The following TNIP2 variants were observed in gnomAD, a reference collection of about 807,000 sequenced individuals.
The protein encoded by TNIP2 is TNFAIP3-interacting protein 2.
Under a neutral mutation model 43.7 loss-of-function variants are expected in TNIP2, and 30 were observed. The ratio of observed to expected loss-of-function variants is 0.69; its 90% confidence interval spans 0.51 to 0.93. The LOEUF is 0.93. Ranked by LOEUF, TNIP2 falls within the 40% of genes least tolerant of loss-of-function variation. The probability of loss-of-function intolerance (pLI) is 0.00; values close to 1 mark genes in which losing one functional copy is unlikely to be tolerated. For missense variants in TNIP2, 599 were observed against 591.0 expected (o/e 1.01, Z -0.14); for synonymous variants, 260 against 254.6 (o/e 1.02, Z -0.20).
At chr4:2,754,775 G>A (rs1210607717) in intron 1 of TNIP2, among the ~76,000 whole-genome samples, 1 of 152,176 alleles carries the variant, frequency 6.6e-6, no homozygotes. Flanking sequence ...ACCCAGGTTG[G>A]AGTGCAGTGG....
intron 1 of TNIP2, among the ~76,000 whole-genome samples, chr4:2,753,214 G>T (rs1004119680): frequency 3.3e-5 from 5 of 152,192 alleles, no homozygotes; most frequent in Non-Finnish European, 5.9e-5. Context: ...CAAGGCAGGA[G>T]GATCACTTGA....
intron 3 of TNIP2, 64 bp from the exon 4 acceptor site, chr4:2,745,009 C>A: frequency 6.5e-7 from 1 of 1,542,184 alleles, no homozygotes; most frequent in Non-Finnish European, 8.7e-7. Flanking sequence ...AAGCCAGCAC[C>A]CAGTGTGAAT....
chr4:2,755,709 G>A (rs1217754065), intron 1 of TNIP2, among the ~76,000 whole-genome samples: 1 of 28,726 alleles, frequency 3.5e-5, no homozygotes, highest in African/African-American at 2.1e-4. Flanking sequence ...GGACCCGACG[G>A]CCCCTTACCC....
Position 2,744,631 on chromosome 4 carries a change from T to C in TNIP2, c.906+66A>G. 1.3e-6 allele frequency: 2 copies of C among 1,581,196 alleles called. No homozygotes were observed. Among genetic ancestry groups the C allele is most frequent in the Non-Finnish European group, 1.7e-6 (2 of 1,166,186 alleles). On this transcript the variant is annotated intron_variant, in intron 4 of 5. Coordinates refer to ENST00000315423, the MANE Select transcript of TNIP2 (RefSeq NM_024309.4). This position sits in a 1 kb window ranked among gnomAD's most constrained non-coding sequence, Gnocchi z 5.1. ...CAAGCCTTCAGCCCAGCCTGTCCCA[T>C]GATTTCGGCCACCACCGGCCAGCAG...
At chr4:2,747,979 A>C in intron 1 of TNIP2, 34 bp from the exon 2 acceptor site, 1 of 1,597,380 alleles carries the variant, frequency 6.3e-7, no homozygotes, top group Non-Finnish European at 8.5e-7. Context: ...AGTTTACTGA[A>C]TTAAAAGAAG....
intron 1 of TNIP2, among the ~76,000 whole-genome samples, chr4:2,749,491 C>G (rs746479902): frequency 6.6e-6 from 1 of 152,134 alleles, no homozygotes; most frequent in East Asian, 1.9e-4. Context: ...TGTAAGCAGA[C>G]AGAAGTCTGG....
At chr4:2,742,836 G>A (rs1721832206) in intron 5 of TNIP2, among the ~76,000 whole-genome samples, 1 of 152,200 alleles carries the variant, frequency 6.6e-6, no homozygotes, top group African/African-American at 2.4e-5. Flanking sequence ...CTGATGACGT[G>A]GCCCACAGGC....
At position 2,751,056 on chromosome 4, in the gene TNIP2, G is replaced by A. The variant is rs1179925106; in HGVS notation, c.277-3111C>T. Among the ~76,000 whole-genome samples, 3 of 152,220 alleles carry A rather than the reference G, an allele frequency of 2.0e-5. No homozygotes were observed. The East Asian group carries it at 5.8e-4, about 29-fold the overall frequency. ...CGTGGGGGCAGGCCAGCCCTGCAAA[G>A]GGCTGCCCCACTCATCCTCCCCTCG... On this transcript the variant is annotated intron_variant, in intron 1 of 5. Transcript: ENST00000315423.
At chr4:2,750,679 G>T (rs1270292161) in intron 1 of TNIP2, among the ~76,000 whole-genome samples, 7 of 143,788 alleles carry the variant, frequency 4.9e-5, no homozygotes, top group Admixed American at 6.9e-5. Flanking sequence ...CTGACTTCTG[G>T]TTTTTTTTTT....
intron 5 of TNIP2, 75 bp from the exon 6 acceptor site, chr4:2,742,595 C>G (rs1721825767): frequency 7.0e-7 from 1 of 1,425,898 alleles, no homozygotes; most frequent in East Asian, 2.5e-5. Flanking sequence ...TTCCAGCAAC[C>G]AGAGGCACTT....
intron 2 of TNIP2, among the ~76,000 whole-genome samples, chr4:2,746,991 T>A (rs1162784242): frequency 1.3e-5 from 2 of 152,176 alleles, no homozygotes; most frequent in South Asian, 4.1e-4. Flanking sequence ...ATCCAGCCTA[T>A]CCTGGAGGTC....
intron 3 of TNIP2, 73 bp from the exon 4 acceptor site, chr4:2,745,018 A>AT: frequency 6.5e-7 from 1 of 1,528,698 alleles, no homozygotes; most frequent in Non-Finnish European, 8.8e-7. Context: ...CCCAGTGTGA[A>AT]TTATGTATTA....
At chr4:2,754,719 G>A (rs1434412608) in intron 1 of TNIP2, among the ~76,000 whole-genome samples, 1 of 151,978 alleles carries the variant, frequency 6.6e-6, no homozygotes, top group Non-Finnish European at 1.5e-5. Context: ...CCGGACCCTT[G>A]TGTCCATTTT....
chr4:2,744,818 G>A lies in TNIP2; in HGVS notation c.785C>T (p.Ser262Phe). 1 of 1,613,794 alleles carries A rather than the reference G, an allele frequency of 6.2e-7. No homozygotes were observed. Among genetic ancestry groups the A allele is most frequent in the South Asian group, 1.1e-5 (1 of 91,090 alleles). Residue 262 changes from serine (S) to phenylalanine (F), a missense_variant, in exon 4 of 6, where the codon TCC (serine) becomes TTC (phenylalanine). Ser to Phe is a radical substitution (Grantham distance 155, BLOSUM62 -2). Transcript: ENST00000315423. The surrounding 1 kb of genome is among the most constrained non-coding windows in gnomAD (Gnocchi z 5.1). The stretch of plus-strand genomic sequence containing the variant: ...CTCTTCCAACTGTCTGTTGAGCCGG[G>A]AGATCTCCTTCCTCATCAGCTCGGG... ...HEPELMRKEI[S>F]RLNRQLEEKI...
rs761055554 is a variant in TNIP2 at position 2,744,501 on chromosome 4, G to T, written c.912C>A (p.Leu304=). The T allele has an allele frequency of 3.7e-6, 6 of 1,614,024 alleles. No individual in the cohort carries two copies. The African/African-American group carries it at 6.7e-5, about 18-fold the overall frequency. The change falls in exon 5 of 6, where the codon CTC becomes CTA. Residue 304 remains leucine, a synonymous_variant. Coordinates refer to ENST00000315423, the MANE Select transcript of TNIP2 (RefSeq NM_024309.4). This position sits in a 1 kb window ranked among gnomAD's most constrained non-coding sequence, Gnocchi z 5.1. The part of the protein sequence containing the change: ...ERVQMLEQQI[L]AYKDDFMSER... ...CTGACATGAAGTCATCCTTGTAAGCGAGAATCTGAAGAGAGGCGAGACACA... is the reference window on the plus strand; with the variant it reads ...CTGACATGAAGTCATCCTTGTAAGCTAGAATCTGAAGAGAGGCGAGACACA...
intron 1 of TNIP2, among the ~76,000 whole-genome samples, chr4:2,751,655 C>A (rs886611562): frequency 6.6e-6 from 1 of 152,014 alleles, no homozygotes; most frequent in African/African-American, 2.4e-5. Flanking sequence ...CGTTTGTAGT[C>A]CCAGCTACTC....
chr4:2,753,310 C>T (rs1181300706), intron 1 of TNIP2, among the ~76,000 whole-genome samples: 1 of 151,952 alleles, frequency 6.6e-6, no homozygotes, highest in African/African-American at 2.4e-5. Flanking sequence ...TGTGATGGCA[C>T]ACTCCTGTGG....
intron 1 of TNIP2, among the ~76,000 whole-genome samples, chr4:2,748,838 G>A (rs1161213982): frequency 6.7e-6 from 1 of 149,340 alleles, no homozygotes; most frequent in Non-Finnish European, 1.5e-5. Context: ...CTGTCACCCA[G>A]GCTAGAGTGC....
intron 1 of TNIP2, among the ~76,000 whole-genome samples, chr4:2,748,316 T>C (rs986952810): frequency 6.6e-6 from 1 of 151,952 alleles, no homozygotes; most frequent in African/African-American, 2.4e-5. Context: ...GCTGGGATTA[T>C]AGAGCCCACC....
Sources: gnomAD v4.1 joint callset for allele counts (sites outside exome capture counted in the v4.1 genomes callset) on GRCh38, gnomAD v4.1.1 for gene constraint, Gnocchi (gnomAD v3.1) non-coding constraint, MANE v1.5 for transcripts, NCBI Gene and HGNC (gene_info 2026-07-23, HGNC 2026-07-21) for gene names.